The following CDH2 variants were observed in gnomAD, a reference collection of about 807,000 sequenced individuals.
CDH2 encodes the protein cadherin 2, also known as cadherin-2.
A neutral mutation model predicts 92.0 loss-of-function variants in CDH2; 17 were observed. The ratio of observed to expected loss-of-function variants is 0.18; its 90% CI spans 0.13 to 0.28. The LOEUF (loss-of-function observed/expected upper bound fraction) is 0.28, where lower values mean the gene tolerates loss of function less well. Ranked by LOEUF, CDH2 falls within the 10% of genes least tolerant of loss-of-function variation. The pLI, the probability that CDH2 is intolerant of heterozygous loss-of-function variation, is 1.00. For synonymous variants in CDH2, 419 were observed against 415.9 expected (o/e 1.01, Z -0.09); for missense variants, 862 against 1,133.1 (o/e 0.76, Z 3.44).
intron 2 of CDH2, among the ~76,000 whole-genome samples, chr18:28,032,522 G>A (rs764963439): frequency 4.3e-4 from 65 of 152,194 alleles, no homozygotes; most frequent in Non-Finnish European, 7.7e-4. Context: ...GTAGCATACA[G>A]TGCTATACTC....
At chr18:28,131,975 C>T in intron 2 of CDH2, among the ~76,000 whole-genome samples, 1 of 152,168 alleles carries the variant, frequency 6.6e-6, no homozygotes, top group East Asian at 1.9e-4. Context: ...TTGTGCTAGG[C>T]ATTGGGAATA....
At chr18:28,098,683 A>G (rs1459453180) in intron 2 of CDH2, among the ~76,000 whole-genome samples, 1 of 152,146 alleles carries the variant, frequency 6.6e-6, no homozygotes, top group African/African-American at 2.4e-5. Context: ...TGAAATCACC[A>G]ACAAAAAGCA....
At chr18:27,934,314 C>A (rs1231933666) in intron 6 of CDH2, among the ~76,000 whole-genome samples, 1 of 152,100 alleles carries the variant, frequency 6.6e-6, no homozygotes, top group Admixed American at 6.5e-5. Flanking sequence ...TCCATATTGC[C>A]TTCTGAAATG....
At position 28,028,911 on chromosome 18, in the gene CDH2, T is replaced by C. The variant is rs17493856; in HGVS notation, c.173-15002A>G. Among the ~76,000 whole-genome samples, 1,222 of 152,232 alleles carry C rather than the reference T, an allele frequency of 8.0e-3. 16 individuals carry two copies. Among genetic ancestry groups the C allele is most frequent in the African/African-American group, 0.028 (1,153 of 41,554 alleles). ...AATGAAGATATTCAAAGCAATGACA[T>C]GAAATCTTTAAGCTGCCAATAGAAT... On this transcript the variant is annotated intron_variant, in intron 2 of 15. Transcript: ENST00000269141.
chr18:28,171,916 G>C (rs937356474), intron 1 of CDH2, among the ~76,000 whole-genome samples: 1 of 152,084 alleles, frequency 6.6e-6, no homozygotes, highest in Non-Finnish European at 1.5e-5. Flanking sequence ...CACTACACAA[G>C]GGCATTCACT....
At chr18:27,988,896 A>T (rs779183647) in intron 10 of CDH2, among the ~76,000 whole-genome samples, 4 of 152,136 alleles carry the variant, frequency 2.6e-5, no homozygotes, top group Non-Finnish European at 5.9e-5. Flanking sequence ...CTGAGGGACA[A>T]GACTAGGTGC....
chr18:28,108,477 G>C (rs1015126574), intron 2 of CDH2, among the ~76,000 whole-genome samples: 1 of 152,010 alleles, frequency 6.6e-6, no homozygotes, highest in African/African-American at 2.4e-5. Flanking sequence ...TTGAGTCCTG[G>C]CCAAGTCTAA....
Position 27,988,613 on chromosome 18 carries a change from C to G in CDH2, c.1652G>C (p.Gly551Ala), listed in dbSNP as rs199900123. Reference sequence around the variant, plus strand: ...CAAAACAGCAATTGTAGTTATTTGTCCATTCACAGGATCTATTTTTAGCCA... The same window carrying G: ...CAAAACAGCAATTGTAGTTATTTGTGCATTCACAGGATCTATTTTTAGCCA... ...ANWLKIDPVN[G>A]QITTIAVLDR... is the part of the protein sequence containing the mutation. The change falls in exon 11 of 16, where the codon GGA (glycine) becomes GCA (alanine). Residue 551 changes from glycine to alanine, a missense_variant. Gly to Ala is a moderately conservative substitution (Grantham distance 60). Coordinates refer to ENST00000269141, the MANE Select transcript of CDH2 (RefSeq NM_001792.5). The G allele has an allele frequency of 2.5e-6, 4 of 1,608,360 alleles. No individual in the cohort carries two copies. The highest frequency in any genetic ancestry group is 1.6e-4 in the Middle Eastern group (1 of 6,064).
intron 2 of CDH2, among the ~76,000 whole-genome samples, chr18:28,072,311 C>T (rs1341323244): frequency 6.6e-6 from 1 of 152,140 alleles, no homozygotes; most frequent in East Asian, 1.9e-4. Context: ...GACCGCCATA[C>T]CACATGCCTT....
downstream of CDH2, among the ~76,000 whole-genome samples, chr18:27,950,434 A>C (rs771295676): frequency 6.6e-6 from 1 of 152,136 alleles, no homozygotes; most frequent in Non-Finnish European, 1.5e-5. Flanking sequence ...AACCATTACT[A>C]TATCAAACTG....
At chr18:27,939,444 T>C (rs1265837782) in intron 6 of CDH2, among the ~76,000 whole-genome samples, 1 of 152,146 alleles carries the variant, frequency 6.6e-6, no homozygotes, top group East Asian at 1.9e-4. Flanking sequence ...GTGACCTTTA[T>C]AGTAGAAATG....
chr18:28,130,399 GTA>G (rs1166674326), intron 2 of CDH2, among the ~76,000 whole-genome samples: 1 of 152,216 alleles, frequency 6.6e-6, no homozygotes, highest in Non-Finnish European at 1.5e-5. Flanking sequence ...GGAAAATGGA[GTA>G]TATCACAGTC....
intron 2 of CDH2, among the ~76,000 whole-genome samples, chr18:28,061,007 T>C (rs2014392520): frequency 6.6e-6 from 1 of 152,316 alleles, no homozygotes; most frequent in African/African-American, 2.4e-5. Flanking sequence ...AAACTAGCAC[T>C]AACACTAAAA....
At chr18:28,067,796 T>C (rs1456856633) in intron 2 of CDH2, among the ~76,000 whole-genome samples, 1 of 152,166 alleles carries the variant, frequency 6.6e-6, no homozygotes, top group Non-Finnish European at 1.5e-5. Flanking sequence ...TGGTCAAAAG[T>C]ATTGAATGTC....
intron 2 of CDH2, among the ~76,000 whole-genome samples, chr18:28,067,358 T>C (rs1271545623): frequency 6.6e-6 from 1 of 152,050 alleles, no homozygotes; most frequent in Non-Finnish European, 1.5e-5. Flanking sequence ...ACAGCCGTCA[T>C]CTCCCATTCC....
chr18:28,143,977 A>G (rs1214812063), intron 2 of CDH2, among the ~76,000 whole-genome samples: 1 of 151,916 alleles, frequency 6.6e-6, no homozygotes, highest in African/African-American at 2.4e-5. Flanking sequence ...GAGGGGAACA[A>G]CACACACCAG....
intron 4 of CDH2, among the ~76,000 whole-genome samples, chr18:28,010,506 C>T (rs1440574863): frequency 2.0e-5 from 3 of 152,090 alleles, no homozygotes; most frequent in African/African-American, 4.8e-5. Flanking sequence ...AGGCTCACTG[C>T]CTTCTCCAAA....
chr18:28,130,057 A>G (rs886939249), intron 2 of CDH2, among the ~76,000 whole-genome samples: 1 of 152,174 alleles, frequency 6.6e-6, no homozygotes, highest in South Asian at 2.1e-4. Flanking sequence ...ACAGATACAC[A>G]ATCACCATGC....
chr18:28,145,779 T>C (rs2144323797), intron 2 of CDH2, among the ~76,000 whole-genome samples: 1 of 151,950 alleles, frequency 6.6e-6, no homozygotes. Context: ...TCCTTTAACA[T>C]ATTCTGAGAA....
Sources: allele counts gnomAD v4.1 joint callset (sites outside exome capture counted in the v4.1 genomes callset), GRCh38; gene constraint gnomAD v4.1.1; transcripts MANE v1.5; gene names NCBI Gene and HGNC (gene_info 2026-07-23, HGNC 2026-07-21).